The following KCNQ3 variants were observed in gnomAD, a reference collection of about 807,000 sequenced individuals.
KCNQ3 encodes potassium voltage-gated channel subfamily Q member 3.
KCNQ3 carries 30 observed loss-of-function variants against 92.5 expected under a neutral mutation model. That is an observed-to-expected ratio of 0.32 (90% confidence interval 0.24 to 0.44). The LOEUF (loss-of-function observed/expected upper bound fraction) is 0.44. Ranked by LOEUF, KCNQ3 falls within the 20% of genes least tolerant of loss-of-function variation. The pLI is 1.00. For missense variants in KCNQ3, 913 were observed against 1,140.3 expected (o/e 0.80, Z 2.87); for synonymous variants, 450 against 468.8 (o/e 0.96, Z 0.52).
At chr8:132,250,719 A>T (rs182967749) in intron 1 of KCNQ3, among the ~76,000 whole-genome samples, 2 of 152,164 alleles carry the variant, frequency 1.3e-5, no homozygotes, top group Admixed American at 1.3e-4. Flanking sequence ...GGTGTCTCAC[A>T]GGATGCATGG....
At chr8:132,328,535 T>G (rs183152601) in intron 1 of KCNQ3, among the ~76,000 whole-genome samples, 2 of 152,206 alleles carry the variant, frequency 1.3e-5, no homozygotes, top group East Asian at 3.9e-4. Context: ...CTGGCGCAAG[T>G]GATTTAAAGT....
intron 1 of KCNQ3, among the ~76,000 whole-genome samples, chr8:132,372,371 C>T (rs1819494334): frequency 6.6e-6 from 1 of 152,150 alleles, no homozygotes; most frequent in Non-Finnish European, 1.5e-5. Context: ...ATTTCCTCCA[C>T]CTCTTCAAAC....
chr8:132,305,379 C>T (rs1036065743), intron 1 of KCNQ3, among the ~76,000 whole-genome samples: 4 of 152,216 alleles, frequency 2.6e-5, no homozygotes, highest in Non-Finnish European at 4.4e-5. Context: ...TCTGACCAAT[C>T]CCTGTCTAGA....
rs1359621779 is a variant in KCNQ3, at chr8:132,122,588, T to C, written c.*6674A>G. ...TCCCTTGAAGCTTATTTTAAGCCCA[T>C]AACAGTGCTATCTGGAGGATGAAGG... On this transcript the variant is annotated 3_prime_UTR_variant, in exon 15 of 15. Transcript: ENST00000388996. 6.6e-6 allele frequency: 1 copy of C among 152,234 alleles called. No individual in the cohort carries two copies. The highest frequency in any genetic ancestry group is 1.5e-5 in the Non-Finnish European group (1 of 68,046). 9.4% of individuals were successfully genotyped at this position (152,234 alleles called of 1,614,324 possible). A position where few individuals can be genotyped will look rare whatever the true frequency, so the allele number is the denominator to read the frequency against.
At chr8:132,418,133 T>C (rs1820870627) in intron 1 of KCNQ3, among the ~76,000 whole-genome samples, 1 of 152,150 alleles carries the variant, frequency 6.6e-6, no homozygotes. Context: ...GTGCTGGTTT[T>C]TTTCTGAGTA....
intron 1 of KCNQ3, among the ~76,000 whole-genome samples, chr8:132,248,586 T>C (rs1815270493): frequency 6.6e-6 from 1 of 152,120 alleles, no homozygotes; most frequent in Admixed American, 6.5e-5. Flanking sequence ...CTAACCAGAT[T>C]TGTTAAGCTA....
chr8:132,217,537 C>T (rs960598380), intron 1 of KCNQ3, among the ~76,000 whole-genome samples: 3 of 151,726 alleles, frequency 2.0e-5, no homozygotes, highest in Non-Finnish European at 4.4e-5. Flanking sequence ...GATGAAACCC[C>T]GTCTCTACTA....
At chr8:132,265,184 A>G (rs1348231741) in intron 1 of KCNQ3, among the ~76,000 whole-genome samples, 2 of 152,258 alleles carry the variant, frequency 1.3e-5, no homozygotes, top group African/African-American at 4.8e-5. Flanking sequence ...GCATTCTAGA[A>G]TAGCAGCTTA....
In KCNQ3 at chr8:132,460,488, C is replaced by T. The variant is rs550195007; in HGVS notation, c.386+19659G>A. Among the ~76,000 whole-genome samples, 9 of 152,186 alleles carry T rather than the reference C, an allele frequency of 5.9e-5. No homozygotes were observed. The East Asian group carries it at 9.7e-4, about 16-fold the overall frequency. On this transcript the variant is annotated intron_variant, in intron 1 of 14. Transcript: ENST00000388996. ...CCACCACTGCCATATTTTGCTTAAC[C>T]GTTAAACTCCAGTACACAAGTATAA...
At chr8:132,239,830 C>A (rs1269532997) in intron 1 of KCNQ3, among the ~76,000 whole-genome samples, 1 of 152,148 alleles carries the variant, frequency 6.6e-6, no homozygotes, top group Non-Finnish European at 1.5e-5. Flanking sequence ...GACCCAGTTT[C>A]TATGTTCGGA....
Position 132,140,080 on chromosome 8 carries a change from C to T in KCNQ3, c.1564G>A (p.Val522Ile), listed in dbSNP as rs143683496. The T allele has an allele frequency of 4.7e-5, 75 of 1,591,502 alleles. No homozygotes were observed. The highest frequency in any genetic ancestry group is 1.7e-4 in the Middle Eastern group (1 of 5,940). Reference sequence around the variant, plus strand: ...GTGGGACCGTGGGGGCATTACCTGACGGCTCGGATGGCGGCCTTCAGGGTG... The same window carrying T: ...GTGGGACCGTGGGGGCATTACCTGATGGCTCGGATGGCGGCCTTCAGGGTG... The part of the protein sequence containing the change: ...IPTLKAAIRA[V>I]RILQFRLYKK... The change falls in exon 11 of 15, where the codon GTC becomes ATC. Residue 522 changes from valine to isoleucine, a missense_variant. Physicochemically the swap from Val to Ile is conservative, Grantham distance 29 (BLOSUM62 3). This residue lies in a region of KCNQ3 where 182 missense variants were observed against 234.5 expected (regional missense o/e 0.78). Coordinates refer to ENST00000388996, the MANE Select transcript of KCNQ3 (RefSeq NM_004519.4).
chr8:132,437,590 G>A (rs982481424), intron 1 of KCNQ3, among the ~76,000 whole-genome samples: 2 of 152,280 alleles, frequency 1.3e-5, no homozygotes, highest in Admixed American at 6.5e-5. Flanking sequence ...TGCCATACTC[G>A]TTTGGTGAAA....
At chr8:132,194,907 C>A (rs551307093) in intron 1 of KCNQ3, among the ~76,000 whole-genome samples, 2 of 152,192 alleles carry the variant, frequency 1.3e-5, no homozygotes, top group Non-Finnish European at 2.9e-5. Flanking sequence ...CAACTCCCAG[C>A]CTGCTACATC....
chr8:132,235,255 T>C (rs909796981), intron 1 of KCNQ3, among the ~76,000 whole-genome samples: 1 of 145,038 alleles, frequency 6.9e-6, no homozygotes, highest in Non-Finnish European at 1.5e-5. Context: ...TCCCAGGACT[T>C]TGGGAGGCCA....
intron 9 of KCNQ3, among the ~76,000 whole-genome samples, chr8:132,157,766 C>A (rs767676274): frequency 1.3e-5 from 2 of 151,796 alleles, no homozygotes; most frequent in African/African-American, 2.4e-5. Flanking sequence ...ACCTATCAAC[C>A]CATCATCTAC....
intron 1 of KCNQ3, among the ~76,000 whole-genome samples, chr8:132,327,497 A>G (rs954846814): frequency 6.6e-6 from 1 of 152,138 alleles, no homozygotes; most frequent in Admixed American, 6.5e-5. Flanking sequence ...ATACCCAGGG[A>G]CCCTGTCCTG....
At chr8:132,375,516 A>G (rs1819584005) in intron 1 of KCNQ3, among the ~76,000 whole-genome samples, 1 of 152,178 alleles carries the variant, frequency 6.6e-6, no homozygotes, top group Non-Finnish European at 1.5e-5. Flanking sequence ...ATGAAATCTT[A>G]GTATCATGAA....
intron 1 of KCNQ3, among the ~76,000 whole-genome samples, chr8:132,316,394 G>T (rs981157699): frequency 6.6e-6 from 1 of 152,172 alleles, no homozygotes; most frequent in Non-Finnish European, 1.5e-5. Context: ...GACCCGGTTA[G>T]AATACTGGCT....
At chr8:132,371,837 T>A (rs577921418) in intron 1 of KCNQ3, among the ~76,000 whole-genome samples, 7 of 152,348 alleles carry the variant, frequency 4.6e-5, no homozygotes, top group African/African-American at 1.7e-4. Context: ...TCATGTTTCT[T>A]CAATCTCCCT....
Sources: allele counts gnomAD v4.1 joint callset (sites outside exome capture counted in the v4.1 genomes callset), GRCh38; gene constraint gnomAD v4.1.1; regional missense constraint gnomAD v4.1.1; transcripts MANE v1.5; gene names NCBI Gene and HGNC (gene_info 2026-07-23, HGNC 2026-07-21).